The following SLC6A20 variants were observed in gnomAD, a reference collection of about 807,000 sequenced individuals.
SLC6A20 encodes solute carrier family 6 member 20.
In SLC6A20, 73 loss-of-function variants were observed where a neutral mutation model predicts 64.3. The observed-to-expected ratio is 1.14, with a 90% CI of 0.94 to 1.38. SLC6A20 has a LOEUF of 1.38. Ranked by LOEUF, SLC6A20 falls within the 40% of genes most tolerant of loss-of-function variation. The probability of loss-of-function intolerance (pLI) is 0.00; values close to 1 mark genes in which losing one functional copy is unlikely to be tolerated. For missense variants in SLC6A20, 725 were observed against 772.8 expected (o/e 0.94, Z 0.73); for synonymous variants, 347 against 329.6 (o/e 1.05, Z -0.57).
At position 45,796,365 on chromosome 3, in the gene SLC6A20, T is replaced by C; in HGVS notation, c.55A>G (p.Ile19Val). 1 of 1,611,198 alleles carries C rather than the reference T, an allele frequency of 6.2e-7. No homozygotes were observed. Among genetic ancestry groups the C allele is most frequent in the Non-Finnish European group, 8.5e-7 (1 of 1,179,370 alleles). ...TTGCCCAGGCCCACGGCGTACGAGA[T>C]GCAGGCGAACACGAACTGTAGCGAG... ...ANSLQFVFACISYAVGLGNVW... is the reference protein window; with the variant it reads ...ANSLQFVFACVSYAVGLGNVW... The change falls in exon 1 of 11, where the codon ATC becomes GTC. Residue 19 changes from isoleucine to valine, a missense_variant. Coordinates refer to ENST00000358525, the MANE Select transcript of SLC6A20 (RefSeq NM_020208.4).
chr3:45,762,273 G>C (rs1699697683), intron 9 of SLC6A20, among the ~76,000 whole-genome samples: 1 of 152,204 alleles, frequency 6.6e-6, no homozygotes, highest in South Asian at 2.1e-4. Flanking sequence ...AGACTCATCT[G>C]GGAACCTGCT....
rs76076872 is a variant in SLC6A20, at chr3:45,781,114, A to G, written c.262+969T>C. ...CGGGTGCCTGTAATTCCAGCTCATC[A>G]GGAGGCTGAGGCAGGAGAAACGGTT... On this transcript the variant is annotated intron_variant, in intron 2 of 10. Coordinates refer to ENST00000358525, the MANE Select transcript of SLC6A20 (RefSeq NM_020208.4). 2.8e-3 allele frequency among the ~76,000 whole-genome samples: 427 copies of G among 152,228 alleles called. 16 individuals carry two copies. In the East Asian group the frequency reaches 0.063, roughly 22 times the overall value.
At chr3:45,795,351 G>T (rs749966021) in intron 1 of SLC6A20, among the ~76,000 whole-genome samples, 7 of 151,364 alleles carry the variant, frequency 4.6e-5, no homozygotes, top group Non-Finnish European at 7.4e-5. Context: ...TGAAAATGCC[G>T]CCTTAAAGGC....
At position 45,782,055 on chromosome 3, in the gene SLC6A20, G is replaced by T. The variant is rs200643175; in HGVS notation, c.262+28C>A. 15 of 1,570,062 alleles carry T rather than the reference G, an allele frequency of 9.6e-6. No homozygotes were observed. The Admixed American group carries it at 2.8e-4, about 29-fold the overall frequency. On this transcript the variant is annotated intron_variant, in intron 2 of 10. Coordinates refer to ENST00000358525, the MANE Select transcript of SLC6A20 (RefSeq NM_020208.4). ...CCCCATGCTGCCCGGGTCTCTGGGT[G>T]GGAGAGGACTGGAGGGGCCCCACGT... is the stretch of plus-strand genomic sequence containing the variant.
intron 9 of SLC6A20, among the ~76,000 whole-genome samples, chr3:45,761,469 G>A (rs769374762): frequency 7.2e-5 from 11 of 152,034 alleles, no homozygotes; most frequent in Non-Finnish European, 1.5e-4. Flanking sequence ...GACCTCCAGC[G>A]GGCCCTAGGT....
Position 45,796,343 on chromosome 3 carries a change from C to T in SLC6A20, c.77G>A (p.Gly26Asp), listed in dbSNP as rs770667111. 1 of 1,611,314 alleles carries T rather than the reference C, an allele frequency of 6.2e-7. No homozygotes were observed. Among genetic ancestry groups the T allele is most frequent in the Non-Finnish European group, 8.5e-7 (1 of 1,179,180 alleles). Residue 26 changes from glycine (G) to aspartate (D), a missense_variant, in exon 1 of 11, where the codon GGC becomes GAC. Transcript: ENST00000358525. ...CAGGTACGGGAATCGCCACACGTTG[C>T]CCAGGCCCACGGCGTACGAGATGCA... ...FACISYAVGL[G>D]NVWRFPYLCQ... is the part of the protein sequence containing the mutation.
chr3:45,779,818 G>C (rs1414985996), intron 3 of SLC6A20, among the ~76,000 whole-genome samples, 191 bp downstream of exon 3: 1 of 152,224 alleles, frequency 6.6e-6, no homozygotes, highest in Non-Finnish European at 1.5e-5. Flanking sequence ...TAAGGGGCCC[G>C]TGGAGCCCGG....
intron 1 of SLC6A20, among the ~76,000 whole-genome samples, chr3:45,784,118 G>A (rs1317263971): frequency 1.3e-5 from 2 of 152,206 alleles, no homozygotes; most frequent in Non-Finnish European, 2.9e-5. Flanking sequence ...ACTGCCCAGT[G>A]CCCATGGGTA....
rs887282129 is a variant in SLC6A20 at position 45,758,940 on chromosome 3, G to A, written c.*38C>T. On this transcript the variant is annotated 3_prime_UTR_variant, in exon 11 of 11. Coordinates refer to ENST00000358525, the MANE Select transcript of SLC6A20 (RefSeq NM_020208.4). Reference sequence around the variant, plus strand: ...GCCGAGGAGTTTCCGCCTGTAAATAGTATCTGTAAAACCGTGAGCGGCTGG... The same window carrying A: ...GCCGAGGAGTTTCCGCCTGTAAATAATATCTGTAAAACCGTGAGCGGCTGG... The A allele has an allele frequency of 6.4e-7, 1 of 1,555,052 alleles. No individual in the cohort carries two copies.
chr3:45,770,109 A>G (rs1699834840), intron 7 of SLC6A20, 100 bp downstream of exon 7: 1 of 1,492,264 alleles, frequency 6.7e-7, no homozygotes, highest in Non-Finnish European at 9.1e-7. Flanking sequence ...ATCCTTCTTT[A>G]TTTTTACAGA....
At chr3:45,796,121 G>C (rs1454766478) in intron 1 of SLC6A20, among the ~76,000 whole-genome samples, 178 bp downstream of exon 1, 2 of 152,184 alleles carry the variant, frequency 1.3e-5, no homozygotes, top group Non-Finnish European at 2.9e-5. Flanking sequence ...TTGGGAGAGA[G>C]CTCCGGCTCC....
intron 7 of SLC6A20, among the ~76,000 whole-genome samples, chr3:45,768,681 G>T (rs1164372252): frequency 1.3e-5 from 2 of 152,182 alleles, no homozygotes; most frequent in Non-Finnish European, 2.9e-5. Context: ...TTGTACCCAT[G>T]AAACAAAGTG....
intron 3 of SLC6A20, among the ~76,000 whole-genome samples, chr3:45,778,527 A>G (rs961768201): frequency 1.3e-5 from 2 of 152,238 alleles, no homozygotes; most frequent in Admixed American, 6.5e-5. Context: ...ACTTCTGACT[A>G]TTAGAAAAAG....
In SLC6A20 at chr3:45,780,096, G is replaced by A. The variant is rs370822904; in HGVS notation, c.267C>T (p.Val89=). The part of the protein sequence containing the change: ...TISPYLSGVG[V]ASVVVSFFLS... The stretch of plus-strand genomic sequence containing the variant: ...GGAAGAAAGAGACCACCACGCTGGC[G>A]ACCCCTGCGAGGAAGCAGAGGGCCG... The change falls in exon 3 of 11, where the codon GTC becomes GTT. Residue 89 remains valine (V), a synonymous_variant. Transcript: ENST00000358525. 83 of 1,589,348 alleles carry A rather than the reference G, an allele frequency of 5.2e-5. No homozygotes were observed. In the East Asian group the frequency reaches 6.2e-4, roughly 12 times the overall value.
intron 2 of SLC6A20, 42 bp from the exon 3 acceptor site, chr3:45,780,142 C>T (rs752244018): frequency 1.3e-6 from 2 of 1,541,932 alleles, no homozygotes; most frequent in East Asian, 2.4e-5. Flanking sequence ...TGAGGATGGC[C>T]CTTCCCCCTC....
chr3:45,789,499 TTAAG>T (rs1433655392), intron 1 of SLC6A20, among the ~76,000 whole-genome samples: 1 of 152,194 alleles, frequency 6.6e-6, no homozygotes, highest in East Asian at 1.9e-4. Flanking sequence ...TGGAGAATGG[TTAAG>T]TAAGTTATGT....
chr3:45,762,810 G>A, intron 9 of SLC6A20, 103 bp downstream of exon 9: 1 of 1,452,610 alleles, frequency 6.9e-7, no homozygotes, highest in South Asian at 1.3e-5. Flanking sequence ...GAAGCTTAAA[G>A]AAGAGGTGAA....
In SLC6A20 at chr3:45,758,295, G is replaced by T; in HGVS notation, c.*683C>A. 1 of 478,842 alleles carries T rather than the reference G, an allele frequency of 2.1e-6. No homozygotes were observed. The highest frequency in any genetic ancestry group is 3.5e-6 in the Non-Finnish European group (1 of 288,848). The allele number at this position is 478,842 out of a possible 1,614,324, so 29.7% of individuals were successfully genotyped here. A position where few individuals can be genotyped will look rare whatever the true frequency, so the allele number is the denominator to read the frequency against. ...ACCAAGACACACACCACGGAGGGAT[G>T]TCTGCACAGACTTCTAATGTGGTTT... is the stretch of plus-strand genomic sequence containing the variant. On this transcript the variant is annotated 3_prime_UTR_variant, in exon 11 of 11. Transcript: ENST00000358525.
chr3:45,785,588 G>C (rs1700156433), intron 1 of SLC6A20, among the ~76,000 whole-genome samples: 1 of 146,108 alleles, frequency 6.8e-6, no homozygotes. Context: ...GTAATCATGT[G>C]AGTTAATACT....
Sources: gnomAD v4.1 joint callset for allele counts (sites outside exome capture counted in the v4.1 genomes callset) on GRCh38, gnomAD v4.1.1 for gene constraint, MANE v1.5 for transcripts, NCBI Gene and HGNC (gene_info 2026-07-23, HGNC 2026-07-21) for gene names.